The following UBE2Q2 variants were observed in gnomAD, a reference collection of about 807,000 sequenced individuals.
The protein encoded by UBE2Q2 is ubiquitin conjugating enzyme E2 Q2, also known as ubiquitin-conjugating enzyme E2 Q2.
UBE2Q2 carries 54 observed loss-of-function variants against 59.9 expected under a neutral mutation model. That is an observed-to-expected ratio of 0.90 (90% CI 0.72 to 1.13). The LOEUF (loss-of-function observed/expected upper bound fraction) is 1.13. Ranked by LOEUF, UBE2Q2 falls within the 50% of genes most tolerant of loss-of-function variation. The pLI, the probability that UBE2Q2 is intolerant of heterozygous loss-of-function variation, is 0.00. For missense variants in UBE2Q2, 433 were observed against 441.9 expected, an observed-to-expected ratio of 0.98 and a Z score of 0.18; for synonymous variants, 165 against 155.2, an observed-to-expected ratio of 1.06 and a Z score of -0.47.
intron 3 of UBE2Q2, among the ~76,000 whole-genome samples, chr15:75,862,317 T>C (rs1044769715): frequency 6.6e-6 from 1 of 152,148 alleles, no homozygotes; most frequent in Non-Finnish European, 1.5e-5. Context: ...TGTTCCATGG[T>C]TGTATTCATA....
chr15:75,877,949 A>T lies in UBE2Q2; in HGVS notation c.674-12A>T. ...AAATGAAGAGTAGCTAACATGCTCT[A>T]TATCTTAACAGGGATTTATTCAGTG... On this transcript the variant is annotated splice_polypyrimidine_tract_variant and intron_variant, in intron 6 of 12. Transcript: ENST00000267938. The T allele has an allele frequency of 6.2e-7, 1 of 1,611,050 alleles. No homozygotes were observed. The highest frequency in any genetic ancestry group is 8.5e-7 in the Non-Finnish European group (1 of 1,177,850).
chr15:75,876,503 G>T (rs997908327), intron 6 of UBE2Q2, among the ~76,000 whole-genome samples: 6 of 152,064 alleles, frequency 3.9e-5, no homozygotes, highest in Admixed American at 3.9e-4. Flanking sequence ...TTGGAATTTT[G>T]TCCTCTTCTT....
At chr15:75,850,289 C>G (rs779085156) in intron 1 of UBE2Q2, among the ~76,000 whole-genome samples, 21 of 152,170 alleles carry the variant, frequency 1.4e-4, no homozygotes, top group Non-Finnish European at 2.6e-4. Context: ...TTGTATCTTT[C>G]CAGTTATCTG....
intron 1 of UBE2Q2, among the ~76,000 whole-genome samples, chr15:75,852,683 G>T (rs1188628734): frequency 1.3e-5 from 2 of 152,172 alleles, no homozygotes; most frequent in Admixed American, 6.5e-5. Flanking sequence ...GGTCCAGATG[G>T]TGTATTCCCA....
chr15:75,886,730 T>TA (rs1426422959), intron 9 of UBE2Q2, among the ~76,000 whole-genome samples: 1 of 151,984 alleles, frequency 6.6e-6, no homozygotes, highest in African/African-American at 2.4e-5. Flanking sequence ...CTACTAAAAA[T>TA]ACAAAAATTA....
At chr15:75,870,131 G>C (rs757956973) in intron 4 of UBE2Q2, among the ~76,000 whole-genome samples, 9 of 152,122 alleles carry the variant, frequency 5.9e-5, no homozygotes, top group Non-Finnish European at 8.8e-5. Flanking sequence ...GCAGTAGTGT[G>C]ATCACGGCTC....
intron 3 of UBE2Q2, among the ~76,000 whole-genome samples, chr15:75,865,969 G>A (rs1419279609): frequency 2.0e-5 from 3 of 152,130 alleles, no homozygotes; most frequent in Non-Finnish European, 4.4e-5. Context: ...AATGCTTCCT[G>A]TCTTGATGGA....
At chr15:75,864,377 G>C (rs535409681) in intron 3 of UBE2Q2, among the ~76,000 whole-genome samples, 130 of 152,070 alleles carry the variant, frequency 8.5e-4, no homozygotes, top group Non-Finnish European at 1.4e-3. Flanking sequence ...CATGGTAGGG[G>C]TGCTGTTGGC....
rs1230720516 is a variant in UBE2Q2 at position 75,843,517 on chromosome 15, T to G, written c.-150T>G. 1 of 408,830 alleles carries G rather than the reference T, an allele frequency of 2.4e-6. No homozygotes were observed. Among genetic ancestry groups the G allele is most frequent in the Non-Finnish European group, 3.8e-6 (1 of 264,152 alleles). The allele number at this position is 408,830 out of a possible 1,614,324, so 25.3% of individuals were successfully genotyped here. On this transcript the variant is annotated 5_prime_UTR_variant, in exon 1 of 13. Transcript: ENST00000267938. ...CGAGGCTTCCGCGCCCCTCGCCATT[T>G]TCCAGCAGCGCTCGACGAGGCGGAG...
At chr15:75,856,188 A>G (rs1241727540) in intron 2 of UBE2Q2, among the ~76,000 whole-genome samples, 1 of 151,232 alleles carries the variant, frequency 6.6e-6, no homozygotes, top group African/African-American at 2.4e-5. Flanking sequence ...CCCCGTCTCA[A>G]AAAAAAATGT....
chr15:75,899,371 G>T (rs919229463), intron 12 of UBE2Q2, 56 bp from the exon 13 acceptor site: 2 of 1,365,378 alleles, frequency 1.5e-6, no homozygotes, highest in Non-Finnish European at 9.9e-7. Context: ...TTACATGCCA[G>T]TTCTTCTAAT....
chr15:75,891,238 A>G lies in UBE2Q2; in HGVS notation c.1029+224A>G, dbSNP rs140074377. 4.4e-3 allele frequency among the ~76,000 whole-genome samples: 669 copies of G among 152,212 alleles called. 7 individuals are homozygous for G. Among genetic ancestry groups the G allele is most frequent in the African/African-American group, 0.015 (622 of 41,542 alleles). On this transcript the variant is annotated intron_variant, in intron 11 of 12. Coordinates refer to ENST00000267938, the MANE Select transcript of UBE2Q2 (RefSeq NM_173469.4). ...ATTTCGTATCTGTTTTTAGTCTGTT[A>G]TATTTGCTGTAGATAAACATTATAA... is the stretch of plus-strand genomic sequence containing the variant.
intron 4 of UBE2Q2, among the ~76,000 whole-genome samples, chr15:75,871,051 C>T (rs940323294): frequency 3.7e-4 from 57 of 152,214 alleles, no homozygotes; most frequent in African/African-American, 1.3e-3. Context: ...GGTGTTTCTC[C>T]GAGAGGGGGA....
At chr15:75,844,335 G>A (rs1393431436) in intron 1 of UBE2Q2, 2 of 1,549,896 alleles carry the variant, frequency 1.3e-6, no homozygotes, top group South Asian at 1.2e-5. Context: ...TTAAGTTTGC[G>A]TTTAAGGAGA....
In UBE2Q2 at chr15:75,844,287, C is replaced by A. The variant is rs1445253855; in HGVS notation, c.180+441C>A. 9 of 1,542,064 alleles carry A rather than the reference C, an allele frequency of 5.8e-6. No individual in the cohort carries two copies. The African/African-American group carries it at 1.1e-4, about 19-fold the overall frequency. ...AAGTTTTAACGCCTCATTTTTCAGT[C>A]GGATTTTCCTTCTTCCCGCTTGTTC... On this transcript the variant is annotated intron_variant, in intron 1 of 12. Coordinates refer to ENST00000267938, the MANE Select transcript of UBE2Q2 (RefSeq NM_173469.4).
rs1215371210 is a variant in UBE2Q2 at position 75,899,561 on chromosome 15, TGTTA to T, written c.*108_*111del. 6.7e-6 allele frequency: 6 copies of T among 897,268 alleles called. No homozygotes were observed. In the African/African-American group the frequency reaches 8.6e-5, roughly 13 times the overall value. 55.6% of individuals were successfully genotyped at this position (897,268 alleles called of 1,614,324 possible). A position where few individuals can be genotyped will look rare whatever the true frequency, so the allele number is the denominator to read the frequency against. On this transcript the variant is annotated 3_prime_UTR_variant, in exon 13 of 13. Transcript: ENST00000267938. The stretch of plus-strand genomic sequence containing the variant: ...GCCCCTATTACAGCAGTACCGAAGA[TGTTA>T]GTTAATAGATATTTTAGTGGATAAT...
At chr15:75,885,109 A>G (rs1354791157) in intron 9 of UBE2Q2, among the ~76,000 whole-genome samples, 2 of 151,994 alleles carry the variant, frequency 1.3e-5, no homozygotes, top group African/African-American at 2.4e-5. Context: ...GTAAGCACTA[A>G]TAGTAGTGGG....
intron 4 of UBE2Q2, among the ~76,000 whole-genome samples, chr15:75,872,437 A>G (rs561553762): frequency 1.4e-4 from 21 of 152,054 alleles, no homozygotes; most frequent in African/African-American, 3.4e-4. Flanking sequence ...ATAGATTTAT[A>G]TATGTGTAAG....
intron 9 of UBE2Q2, among the ~76,000 whole-genome samples, chr15:75,890,134 C>T (rs1051804014): frequency 7.9e-5 from 12 of 152,108 alleles, no homozygotes; most frequent in African/African-American, 2.9e-4. Flanking sequence ...TTCTTCTGCC[C>T]CTATTCTTTG....
Sources: gnomAD v4.1 joint callset for allele counts (sites outside exome capture counted in the v4.1 genomes callset) on GRCh38, gnomAD v4.1.1 for gene constraint, MANE v1.5 for transcripts, NCBI Gene and HGNC (gene_info 2026-07-23, HGNC 2026-07-21) for gene names.